Variants in RNF144A observed in about 807,000 individuals in gnomAD.
The protein encoded by RNF144A is E3 ubiquitin-protein ligase RNF144A.
Under a neutral mutation model 38.7 loss-of-function variants are expected in RNF144A, and 11 were observed. The ratio of observed to expected loss-of-function variants is 0.28; its 90% CI spans 0.18 to 0.47. RNF144A has a LOEUF of 0.47. Among genes scored for constraint, RNF144A ranks in the 20% least tolerant of loss-of-function variants. The pLI, the probability that RNF144A is intolerant of heterozygous loss-of-function variation, is 0.99. For synonymous variants in RNF144A, 149 were observed against 143.9 expected (o/e 1.04, Z -0.25); for missense variants, 316 against 377.2 (o/e 0.84, Z 1.34).
intron 6 of RNF144A, among the ~76,000 whole-genome samples, chr2:7,050,234 G>A (rs959638952): frequency 6.6e-6 from 1 of 152,126 alleles, no homozygotes; most frequent in Non-Finnish European, 1.5e-5. Flanking sequence ...GAACCATGGT[G>A]GTGGTTTCCC....
chr2:7,028,992 T>A (rs1364357971), intron 7 of RNF144A, among the ~76,000 whole-genome samples: 1 of 152,186 alleles, frequency 6.6e-6, no homozygotes, highest in Non-Finnish European at 1.5e-5. Flanking sequence ...AACTCAAGGC[T>A]GGTGTCCTCC....
chr2:7,017,125 C>T (rs536631895), intron 5 of RNF144A, among the ~76,000 whole-genome samples: 8 of 152,120 alleles, frequency 5.3e-5, no homozygotes, highest in Non-Finnish European at 8.8e-5. Flanking sequence ...ATGCTACACT[C>T]GACGCCCGTG....
intron 3 of RNF144A, among the ~76,000 whole-genome samples, chr2:7,011,682 A>G (rs779218138): frequency 3.9e-5 from 6 of 152,224 alleles, no homozygotes; most frequent in Non-Finnish European, 7.3e-5. Context: ...ATCTGCTTTT[A>G]GGCTGTGTAT....
chr2:6,924,192 C>G (rs1286379290), intron 1 of RNF144A, among the ~76,000 whole-genome samples: 1 of 152,206 alleles, frequency 6.6e-6, no homozygotes, highest in Non-Finnish European at 1.5e-5. Flanking sequence ...TAGAATGTAG[C>G]CTGGTGGCCT....
downstream of RNF144A, among the ~76,000 whole-genome samples, chr2:7,048,483 C>T (rs780594800): frequency 4.6e-5 from 7 of 152,290 alleles, no homozygotes; most frequent in Non-Finnish European, 7.3e-5. Flanking sequence ...CCATGGGGCC[C>T]GGCCCAACCC....
chr2:6,983,134 C>G (rs1668740713), intron 2 of RNF144A, among the ~76,000 whole-genome samples: 1 of 152,200 alleles, frequency 6.6e-6, no homozygotes, highest in African/African-American at 2.4e-5. Context: ...TCAGATGTTA[C>G]TGCTTCCTTT....
At chr2:6,996,365 A>G (rs1391168020) in intron 2 of RNF144A, among the ~76,000 whole-genome samples, 6 of 152,154 alleles carry the variant, frequency 3.9e-5, no homozygotes, top group Non-Finnish European at 8.8e-5. Flanking sequence ...TCTTATTAAA[A>G]TGCACATCAG....
At chr2:7,056,906 T>A (rs1673762968) in intron 6 of RNF144A, among the ~76,000 whole-genome samples, 2 of 152,212 alleles carry the variant, frequency 1.3e-5, no homozygotes. Flanking sequence ...CGGCAGTCTG[T>A]CTGCCTGGAA....
chr2:7,035,001 G>A (rs433983), intron 8 of RNF144A, among the ~76,000 whole-genome samples: 34,230 of 152,120 alleles, frequency 0.23, 4,627 homozygotes, highest in Admixed American at 0.31. Context: ...ATGCTCAGAC[G>A]GGGCATAACC....
downstream of RNF144A, among the ~76,000 whole-genome samples, chr2:7,072,193 G>C (rs1410755023): frequency 6.6e-6 from 1 of 152,244 alleles, no homozygotes; most frequent in East Asian, 1.9e-4. Context: ...ACAAAGCCCA[G>C]ATTGCCTTGA....
intron 8 of RNF144A, among the ~76,000 whole-genome samples, chr2:7,032,247 C>T (rs1435727444): frequency 1.3e-5 from 2 of 150,536 alleles, no homozygotes; most frequent in African/African-American, 4.9e-5. Context: ...GGAATCCGCG[C>T]CCCTTGCAGC....
chr2:6,957,306 C>T (rs890663673), intron 2 of RNF144A, among the ~76,000 whole-genome samples: 4 of 152,204 alleles, frequency 2.6e-5, no homozygotes, highest in Non-Finnish European at 4.4e-5. Flanking sequence ...GCATCTGCTC[C>T]GGTGTTGAGA....
chr2:6,959,740 G>A (rs752571823), intron 2 of RNF144A, among the ~76,000 whole-genome samples: 30 of 152,114 alleles, frequency 2.0e-4, no homozygotes, highest in Non-Finnish European at 3.2e-4. Flanking sequence ...GGATTAATCC[G>A]GTCATGAGGG....
intron 5 of RNF144A, among the ~76,000 whole-genome samples, chr2:7,016,290 C>T (rs934373155): frequency 9.2e-5 from 14 of 151,984 alleles, no homozygotes; most frequent in Admixed American, 2.6e-4. Context: ...AAAGTCAGTA[C>T]GTAGGGCAAT....
intron 1 of RNF144A, among the ~76,000 whole-genome samples, chr2:6,923,979 G>A (rs887661356): frequency 6.6e-6 from 1 of 152,118 alleles, no homozygotes; most frequent in African/African-American, 2.4e-5. Flanking sequence ...TTAAGTGATT[G>A]AATACAAGAT....
chr2:7,023,734 T>G (rs1169580616), intron 6 of RNF144A, among the ~76,000 whole-genome samples: 1 of 152,220 alleles, frequency 6.6e-6, no homozygotes, highest in Admixed American at 6.5e-5. Flanking sequence ...GAATCTTTTC[T>G]CATGGTCACA....
At chr2:6,993,926 C>G (rs1048375725) in intron 2 of RNF144A, among the ~76,000 whole-genome samples, 1 of 152,092 alleles carries the variant, frequency 6.6e-6, no homozygotes, top group African/African-American at 2.4e-5. Context: ...CTTCTTACTT[C>G]TCACTCACTC....
intron 8 of RNF144A, among the ~76,000 whole-genome samples, chr2:7,036,750 T>C (rs2444298): frequency 6.6e-6 from 1 of 152,196 alleles, no homozygotes; most frequent in Non-Finnish European, 1.5e-5. Flanking sequence ...GAATTAATAG[T>C]GTTCCATTCA....
intron 2 of RNF144A, among the ~76,000 whole-genome samples, chr2:6,995,918 C>T (rs895521045): frequency 6.6e-6 from 1 of 152,120 alleles, no homozygotes; most frequent in Non-Finnish European, 1.5e-5. Context: ...TGTGTGCGGC[C>T]GACCCTTTAT....
Sources: allele counts gnomAD v4.1 joint callset (sites outside exome capture counted in the v4.1 genomes callset), GRCh38; gene constraint gnomAD v4.1.1; transcripts MANE v1.5; gene names NCBI Gene and HGNC (gene_info 2026-07-23, HGNC 2026-07-21).